Variants in GNG7 observed in about 807,000 individuals in gnomAD.
The protein encoded by GNG7 is guanine nucleotide-binding protein G(I)/G(S)/G(O) subunit gamma-7.
A neutral mutation model predicts 4.0 loss-of-function variants in GNG7; 1 was observed. The observed-to-expected ratio is 0.25, with a 90% CI of 0.09 to 1.18. The LOEUF is 1.18. Ranked by LOEUF, GNG7 falls within the 50% of genes most tolerant of loss-of-function variation. The pLI, the probability that GNG7 is intolerant of heterozygous loss-of-function variation, is 0.50. For missense variants in GNG7, 86 were observed against 91.9 expected (o/e 0.94, Z 0.26); for synonymous variants, 34 against 36.9 (o/e 0.92, Z 0.29).
intron 1 of GNG7, among the ~76,000 whole-genome samples, chr19:2,681,557 C>T (rs1983736827): frequency 6.6e-6 from 1 of 152,176 alleles, no homozygotes; most frequent in Non-Finnish European, 1.5e-5. Flanking sequence ...GCATTAGCCA[C>T]ATCACCGGGC....
intron 1 of GNG7, among the ~76,000 whole-genome samples, chr19:2,670,469 C>T (rs1983423769): frequency 6.6e-6 from 1 of 152,242 alleles, no homozygotes; most frequent in African/African-American, 2.4e-5. Context: ...CAAAGTCAGC[C>T]CTGCAGCCTC....
At chr19:2,606,664 A>ATAATAAT (rs757739868) in intron 2 of GNG7, among the ~76,000 whole-genome samples, 20 of 143,240 alleles carry the variant, frequency 1.4e-4, no homozygotes, top group South Asian at 6.7e-4. Context: ...TCAAAAAAAA[A>ATAATAAT]TAATTAATTA....
At chr19:2,572,641 C>T (rs1410791386) in intron 2 of GNG7, among the ~76,000 whole-genome samples, 1 of 147,658 alleles carries the variant, frequency 6.8e-6, no homozygotes, top group Non-Finnish European at 1.5e-5. Context: ...TTGCCCAGGC[C>T]GGACTACAGT....
chr19:2,604,765 A>T (rs1599417192), intron 2 of GNG7, among the ~76,000 whole-genome samples: 1 of 152,280 alleles, frequency 6.6e-6, no homozygotes, highest in South Asian at 2.1e-4. Flanking sequence ...GTTCAAGAAC[A>T]AAGTGTGGTT....
intron 2 of GNG7, among the ~76,000 whole-genome samples, chr19:2,565,161 G>A (rs963814306): frequency 2.0e-5 from 3 of 152,074 alleles, no homozygotes; most frequent in African/African-American, 7.2e-5. Flanking sequence ...GACTACATGG[G>A]GAAAACGGAA....
chr19:2,678,870 T>C (rs992796718), intron 1 of GNG7, among the ~76,000 whole-genome samples: 20 of 152,068 alleles, frequency 1.3e-4, no homozygotes, highest in African/African-American at 4.8e-4. Context: ...CCTTCGACGA[T>C]CGGAAACCAA....
intron 2 of GNG7, among the ~76,000 whole-genome samples, chr19:2,596,942 C>T (rs1981040038): frequency 6.6e-6 from 1 of 151,880 alleles, no homozygotes; most frequent in Admixed American, 6.6e-5. Context: ...AACAGATACA[C>T]AGTCTATCTA....
At chr19:2,555,760 C>T (rs1416591177) in intron 2 of GNG7, among the ~76,000 whole-genome samples, 2 of 152,126 alleles carry the variant, frequency 1.3e-5, no homozygotes, top group African/African-American at 4.8e-5. Context: ...AGAACGTCTC[C>T]AGGCCCCGGT....
chr19:2,666,520 C>CA (rs1983315395), intron 1 of GNG7, among the ~76,000 whole-genome samples: 1 of 152,076 alleles, frequency 6.6e-6, no homozygotes, highest in African/African-American at 2.4e-5. Context: ...CTATGTTGCC[C>CA]AGACTGGCCT....
intron 1 of GNG7, among the ~76,000 whole-genome samples, chr19:2,677,728 G>A (rs938605050): frequency 6.6e-6 from 1 of 152,054 alleles, no homozygotes. Flanking sequence ...CCTAACCCCC[G>A]GGGGTCTCAC....
chr19:2,567,154 A>ACC (rs35444785), intron 2 of GNG7, among the ~76,000 whole-genome samples: 188 of 145,938 alleles, frequency 1.3e-3, no homozygotes, highest in African/African-American at 4.4e-3. Context: ...AAAAAAAAAA[A>ACC]CACAAAAACA....
At position 2,618,197 on chromosome 19, in the gene GNG7, T is replaced by A. The variant is rs1326605701; in HGVS notation, c.-78+28027A>T. ...TTTGCGACTGACCGACGGGTTGGCC[T>A]TCCATCTACTCTTCCACTCACCAGC... On this transcript the variant is annotated intron_variant, in intron 2 of 4. Coordinates refer to ENST00000382159, the MANE Select transcript of GNG7 (RefSeq NM_052847.3). This position sits in a 1 kb window ranked among gnomAD's most constrained non-coding sequence, Gnocchi z 5.1. Among the ~76,000 whole-genome samples, 12 of 152,138 alleles carry A rather than the reference T, an allele frequency of 7.9e-5. No individual in the cohort carries two copies. Among genetic ancestry groups the A allele is most frequent in the Admixed American group, 7.9e-4 (12 of 15,262 alleles).
intron 1 of GNG7, among the ~76,000 whole-genome samples, chr19:2,664,635 C>T (rs1983259393): frequency 1.3e-5 from 2 of 152,208 alleles, no homozygotes; most frequent in South Asian, 4.1e-4. Flanking sequence ...ACCCTCCTCA[C>T]CCAGTCCTCT....
intron 1 of GNG7, among the ~76,000 whole-genome samples, chr19:2,690,970 A>G (rs1057172917): frequency 1.3e-5 from 2 of 152,162 alleles, no homozygotes; most frequent in African/African-American, 4.8e-5. Flanking sequence ...AGAATCTTCA[A>G]CACCAAGAGT....
rs145561913 is a variant in GNG7, at chr19:2,589,274, G to C, written c.-77-34086C>G. ...GTCTCCCTCCGTGGCCCAGGCTGGAGTGCAGTGGCGCGATATCAGCTCACT... is the reference window on the plus strand; with the variant it reads ...GTCTCCCTCCGTGGCCCAGGCTGGACTGCAGTGGCGCGATATCAGCTCACT... On this transcript the variant is annotated intron_variant, in intron 2 of 4. Coordinates refer to ENST00000382159, the MANE Select transcript of GNG7 (RefSeq NM_052847.3). Among the ~76,000 whole-genome samples the C allele has an allele frequency of 2.5e-3, 373 of 151,450 alleles. 18 individuals carry two copies. The East Asian group carries it at 0.065, about 26-fold the overall frequency.
intron 2 of GNG7, chr19:2,642,164 C>G (rs1346362178): frequency 6.3e-6 from 1 of 159,420 alleles, no homozygotes; most frequent in Non-Finnish European, 1.4e-5. Context: ...TGCCAGGGAG[C>G]TGTTCTCACA....
intron 1 of GNG7, among the ~76,000 whole-genome samples, chr19:2,649,411 T>TATTATTATTATTATTATTATTATTATTA (rs1555700253): frequency 6.6e-6 from 1 of 151,542 alleles, no homozygotes; most frequent in East Asian, 1.9e-4. Flanking sequence ...TTATTATTAC[T>TATTATTATTATTATTATTATTATTATTA]TTTTGAGACG....
At chr19:2,694,960 G>A (rs932886025) in intron 1 of GNG7, among the ~76,000 whole-genome samples, 19 of 151,936 alleles carry the variant, frequency 1.3e-4, no homozygotes, top group African/African-American at 2.9e-4. Flanking sequence ...TTGAACTCGA[G>A]CTCAGGAGTT....
At chr19:2,673,329 G>A (rs1192099850) in intron 1 of GNG7, among the ~76,000 whole-genome samples, 2 of 151,020 alleles carry the variant, frequency 1.3e-5, no homozygotes, top group Non-Finnish European at 2.9e-5. Flanking sequence ...ATGAGTCTGA[G>A]AAGTGTCCCA....
Sources: allele counts gnomAD v4.1 joint callset (sites outside exome capture counted in the v4.1 genomes callset), GRCh38; gene constraint gnomAD v4.1.1; non-coding constraint Gnocchi (gnomAD v3.1); transcripts MANE v1.5; gene names NCBI Gene and HGNC (gene_info 2026-07-23, HGNC 2026-07-21).